Variants in TNNI1 observed in about 807,000 individuals in gnomAD.
The protein encoded by TNNI1 is troponin I1, slow skeletal type.
TNNI1 carries 14 observed loss-of-function variants against 26.7 expected under a neutral mutation model. That is an observed-to-expected ratio of 0.52 (90% CI 0.35 to 0.82). The LOEUF is 0.82. Ranked by LOEUF, TNNI1 falls within the 40% of genes least tolerant of loss-of-function variation. TNNI1 has a pLI of 0.01. For missense variants in TNNI1, 164 were observed against 257.0 expected (o/e 0.64, Z 2.47); for synonymous variants, 79 against 98.2 (o/e 0.80, Z 1.16).
intron 6 of TNNI1, among the ~76,000 whole-genome samples, chr1:201,412,013 C>G (rs772032884): frequency 8.5e-5 from 13 of 152,238 alleles, no homozygotes; most frequent in Non-Finnish European, 1.9e-4. Flanking sequence ...TGCTCTAGGA[C>G]AGTCAGACCC....
rs1315640746 is a variant in TNNI1 at position 201,408,691 on chromosome 1, G to A, written c.*562C>T. On this transcript the variant is annotated 3_prime_UTR_variant, in exon 9 of 9. Coordinates refer to ENST00000361379, the MANE Select transcript of TNNI1 (RefSeq NM_003281.4). ...GTGCAGTGTGACGTCACAGGGACTG[G>A]GCAGAAGGGGCCCCAGGGGACCCTG... 2 of 152,460 alleles carry A rather than the reference G, an allele frequency of 1.3e-5. No homozygotes were observed. Among genetic ancestry groups the A allele is most frequent in the Non-Finnish European group, 2.9e-5 (2 of 68,164 alleles). 9.4% of individuals were successfully genotyped at this position (152,460 alleles called of 1,614,324 possible). A position where few individuals can be genotyped will look rare whatever the true frequency, so the allele number is the denominator to read the frequency against.
At chr1:201,415,985 C>T (rs1662731557) in intron 3 of TNNI1, among the ~76,000 whole-genome samples, 1 of 152,080 alleles carries the variant, frequency 6.6e-6, no homozygotes. Flanking sequence ...ATCTTCTGGG[C>T]CATAGGCGGT....
In TNNI1 at chr1:201,411,326, G is replaced by A. The variant is rs769706720; in HGVS notation, c.456+31C>T. 1 of 1,609,910 alleles carries A rather than the reference G, an allele frequency of 6.2e-7. No homozygotes were observed. The highest frequency in any genetic ancestry group is 8.5e-7 in the Non-Finnish European group (1 of 1,178,230). On this transcript the variant is annotated intron_variant, in intron 7 of 8. Transcript: ENST00000361379. The surrounding 1 kb of genome is among the most constrained non-coding windows in gnomAD (Gnocchi z 4.6). ...ACAAGGGGAAAGCTGGTAGGGCAGA[G>A]GGTGGAATGTTCTGAGGAAAGGGAC...
chr1:201,415,319 AG>A, intron 3 of TNNI1, 65 bp from the exon 4 acceptor site: 1 of 1,550,484 alleles, frequency 6.4e-7, no homozygotes, highest in Non-Finnish European at 8.9e-7. Flanking sequence ...ATTCTGGTCT[AG>A]GACAAGACAA....
chr1:201,412,175 T>G (rs1383767159), intron 6 of TNNI1, among the ~76,000 whole-genome samples: 1 of 152,186 alleles, frequency 6.6e-6, no homozygotes, highest in Non-Finnish European at 1.5e-5. Context: ...GAAGCCCTAT[T>G]TGGAGTGCAG....
chr1:201,418,467 CAA>C (rs4019987), intron 1 of TNNI1, among the ~76,000 whole-genome samples: 10,700 of 101,910 alleles, frequency 0.1, 684 homozygotes, highest in African/African-American at 0.23. Context: ...GTCTCCTTCT[CAA>C]AAAAAAAAAA....
Position 201,410,454 on chromosome 1 carries a change from C to T in TNNI1, c.457-19G>A. 3 of 1,608,920 alleles carry T rather than the reference C, an allele frequency of 1.9e-6. No homozygotes were observed. The highest frequency in any genetic ancestry group is 2.6e-6 in the Non-Finnish European group (3 of 1,175,316). ...GCCGCTCCTGTAGACAAGTGGCACA[C>T]ACATCAGGGACTTACCAGGCTGGAC... On this transcript the variant is annotated intron_variant, in intron 7 of 8. Coordinates refer to ENST00000361379, the MANE Select transcript of TNNI1 (RefSeq NM_003281.4).
chr1:201,418,004 G>A (rs1283430798), intron 1 of TNNI1, among the ~76,000 whole-genome samples, 192 bp from the exon 2 acceptor site: 2 of 151,084 alleles, frequency 1.3e-5, no homozygotes, highest in African/African-American at 2.4e-5. Flanking sequence ...CCATAAGCCT[G>A]ACCTGGCTCC....
chr1:201,417,557 A>T (rs1303315679), intron 2 of TNNI1, among the ~76,000 whole-genome samples: 1 of 152,188 alleles, frequency 6.6e-6, no homozygotes, highest in East Asian at 1.9e-4. Flanking sequence ...TCTGAGGCAC[A>T]AGCCAAAAAG....
At position 201,404,342 on chromosome 1, in the gene TNNI1, T is replaced by C. The variant is rs1662475422; in HGVS notation, c.*4911A>G. 6.6e-6 allele frequency: 1 copy of C among 152,184 alleles called. No individual in the cohort carries two copies. Among genetic ancestry groups the C allele is most frequent in the African/African-American group, 2.4e-5 (1 of 41,448 alleles). 9.4% of individuals were successfully genotyped at this position (152,184 alleles called of 1,614,324 possible). A position where few individuals can be genotyped will look rare whatever the true frequency, so the allele number is the denominator to read the frequency against. ...TTTCAGTTCTGTTCCCATTCATGTG[T>C]CTCAGCTGAGCAACTGCCATGCTTG... On this transcript the variant is annotated 3_prime_UTR_variant, in exon 9 of 9. Coordinates refer to ENST00000361379, the MANE Select transcript of TNNI1 (RefSeq NM_003281.4).
intron 6 of TNNI1, among the ~76,000 whole-genome samples, chr1:201,412,740 G>A (rs1662659639): frequency 6.6e-6 from 1 of 152,248 alleles, no homozygotes; most frequent in South Asian, 2.1e-4. Context: ...ACAAAGGTAA[G>A]ACGTTATTAA....
rs1159979844 is a variant in TNNI1 at position 201,404,261 on chromosome 1, G to A, written c.*4992C>T. 3.3e-5 allele frequency: 5 copies of A among 152,126 alleles called. No homozygotes were observed. Among genetic ancestry groups the A allele is most frequent in the African/African-American group, 1.2e-4 (5 of 41,404 alleles). The allele number at this position is 152,126 out of a possible 1,614,324, so 9.4% of individuals were successfully genotyped here. A position where few individuals can be genotyped will look rare whatever the true frequency, so the allele number is the denominator to read the frequency against. On this transcript the variant is annotated 3_prime_UTR_variant, in exon 9 of 9. Coordinates refer to ENST00000361379, the MANE Select transcript of TNNI1 (RefSeq NM_003281.4). The stretch of plus-strand genomic sequence containing the variant: ...TCCCCTTTCTCGGACAGGACAGAGT[G>A]GAGATCCAGGGGGATCCCCAGCCCC...
chr1:201,410,417 C>T lies in TNNI1; in HGVS notation c.475G>A (p.Gly159Ser), dbSNP rs778298110. 6.8e-6 allele frequency: 11 copies of T among 1,614,166 alleles called. No homozygotes were observed. The East Asian group carries it at 2.5e-4, about 36-fold the overall frequency. ...GCCTCCACGTTCTTCCTCCAGTCAC[C>T]CACCTCCACAGGCCGCTCCTGTAGA... ...DTEKERPVEV[G>S]DWRKNVEAMS... Residue 159 changes from glycine to serine, a missense_variant, in exon 8 of 9, where the codon GGT (glycine) becomes AGT (serine). By Grantham distance (56) the Gly-to-Ser change is moderately conservative. Around this residue, in one of 3 missense-constraint regions of TNNI1, gnomAD observed 43 missense variants for 74.3 expected, o/e 0.58. Coordinates refer to ENST00000361379, the MANE Select transcript of TNNI1 (RefSeq NM_003281.4).
intron 5 of TNNI1, 134 bp downstream of exon 5, chr1:201,414,384 A>G (rs1307174040): frequency 1.4e-6 from 1 of 725,330 alleles, no homozygotes; most frequent in East Asian, 2.9e-5. Context: ...AAATGAGACC[A>G]TGTAAGGGAG....
Position 201,413,128 on chromosome 1 carries a change from G to T in TNNI1, c.190-7C>A, listed in dbSNP as rs1662666852. 1 of 1,613,864 alleles carries T rather than the reference G, an allele frequency of 6.2e-7. No homozygotes were observed. The highest frequency in any genetic ancestry group is 8.5e-7 in the Non-Finnish European group (1 of 1,179,908). On this transcript the variant is annotated splice_polypyrimidine_tract_variant and splice_region_variant and intron_variant, in intron 5 of 8. Transcript: ENST00000361379. ...GCAGCTCCCGGCACAGGTCCTGGGGGCCGCAGATGGATCATGCAGGTGTGA... is the reference window on the plus strand; with the variant it reads ...GCAGCTCCCGGCACAGGTCCTGGGGTCCGCAGATGGATCATGCAGGTGTGA...
At chr1:201,410,503 G>T (rs1402917449) in intron 7 of TNNI1, 68 bp from the exon 8 acceptor site, 2 of 1,381,814 alleles carry the variant, frequency 1.4e-6, no homozygotes, top group Non-Finnish European at 2.1e-6. Context: ...AAGAGAAGCT[G>T]GGTGATAGGA....
chr1:201,419,254 T>C (rs1662813528), intron 1 of TNNI1, among the ~76,000 whole-genome samples: 1 of 152,218 alleles, frequency 6.6e-6, no homozygotes, highest in Non-Finnish European at 1.5e-5. Context: ...CAGGTGATCC[T>C]GGGGCCCAGG....
intron 8 of TNNI1, 169 bp downstream of exon 8, chr1:201,410,157 G>T (rs1170752809): frequency 1.9e-5 from 11 of 581,040 alleles, no homozygotes; most frequent in Non-Finnish European, 3.4e-5. Flanking sequence ...GTATCATGGT[G>T]CTGGAGCCAG....
rs1396555732 is a variant in TNNI1 at position 201,403,891 on chromosome 1, G to A, written c.*5362C>T. ...TGAGGATTGTATTTACCTTTGTGGAGAGGAAGGGGTTGTGATTGGGGAGGG... is the reference window on the plus strand; with the variant it reads ...TGAGGATTGTATTTACCTTTGTGGAAAGGAAGGGGTTGTGATTGGGGAGGG... On this transcript the variant is annotated 3_prime_UTR_variant, in exon 9 of 9. Transcript: ENST00000361379. 3 of 152,226 alleles carry A rather than the reference G, an allele frequency of 2.0e-5. No individual in the cohort carries two copies. Among genetic ancestry groups the A allele is most frequent in the Admixed American group, 1.3e-4 (2 of 15,280 alleles). 9.4% of individuals were successfully genotyped at this position (152,226 alleles called of 1,614,324 possible).
Sources: allele counts gnomAD v4.1 joint callset (sites outside exome capture counted in the v4.1 genomes callset), GRCh38; gene constraint gnomAD v4.1.1; regional missense constraint gnomAD v4.1.1; non-coding constraint Gnocchi (gnomAD v3.1); transcripts MANE v1.5; gene names NCBI Gene and HGNC (gene_info 2026-07-23, HGNC 2026-07-21).